The following BTD variants were observed in gnomAD, a reference collection of about 807,000 sequenced individuals.
BTD encodes the protein biocytinase.
In BTD, 13 loss-of-function variants were observed where a neutral mutation model predicts 17.7. The ratio of observed to expected loss-of-function variants is 0.74; its 90% confidence interval spans 0.48 to 1.17. The LOEUF (loss-of-function observed/expected upper bound fraction) is 1.17. BTD is among the 50% of genes most tolerant of loss of function. The pLI is 0.00. For missense variants in BTD, 674 were observed against 650.4 expected (o/e 1.04, Z -0.39); for synonymous variants, 240 against 245.2 (o/e 0.98, Z 0.20).
chr3:15,689,891 CAT>C, intron 3 of BTD: 1 of 764,386 alleles, frequency 1.3e-6, no homozygotes, highest in Non-Finnish European at 2.0e-6. Flanking sequence ...TCAAATAATC[CAT>C]ATATGATTTG....
At chr3:15,716,092 C>G (rs562421130), downstream of BTD, among the ~76,000 whole-genome samples, 1 of 151,310 alleles carries the variant, frequency 6.6e-6, no homozygotes, top group African/African-American at 2.4e-5. Context: ...AAGTGATTCT[C>G]CTGCCTCAGC....
intron 3 of BTD, among the ~76,000 whole-genome samples, chr3:15,643,654 C>G (rs1386230184): frequency 6.6e-6 from 1 of 152,134 alleles, no homozygotes; most frequent in Non-Finnish European, 1.5e-5. Context: ...CTTTGTCCTT[C>G]TGTGAATCAC....
chr3:15,690,547 G>C (rs2068652077), intron 3 of BTD, among the ~76,000 whole-genome samples: 1 of 152,122 alleles, frequency 6.6e-6, no homozygotes, highest in Non-Finnish European at 1.5e-5. Context: ...TTTCAAGTCT[G>C]ATTCTAAAAA....
chr3:15,668,008 T>C (rs947339199), intron 3 of BTD: 18 of 152,198 alleles, frequency 1.2e-4, no homozygotes, highest in African/African-American at 4.1e-4. Flanking sequence ...TGTGCGAGAT[T>C]CATCCTTCCA....
Position 15,691,683 on chromosome 3 carries a change from C to T in BTD, c.400-18377C>T, listed in dbSNP as rs545849642. Among the ~76,000 whole-genome samples, 7 of 152,304 alleles carry T rather than the reference C, an allele frequency of 4.6e-5. No individual in the cohort carries two copies. In the South Asian group the frequency reaches 1.4e-3, roughly 32 times the overall value. On this transcript the variant is annotated intron_variant, in intron 3 of 3. Transcript: ENST00000672141. Reference sequence around the variant, plus strand: ...TAGAAACTTGACTACTTAAGCTTGACTATCTCAAAGATTAAAGTGACTGTA... The same window carrying T: ...TAGAAACTTGACTACTTAAGCTTGATTATCTCAAAGATTAAAGTGACTGTA...
At chr3:15,605,025 T>G (rs1157434153) in intron 1 of BTD, among the ~76,000 whole-genome samples, 1 of 152,230 alleles carries the variant, frequency 6.6e-6, no homozygotes. Flanking sequence ...CCCTCCAAAC[T>G]GTTCCAACTT....
chr3:15,607,875 A>G (rs1383295310), intron 1 of BTD, among the ~76,000 whole-genome samples: 1 of 152,262 alleles, frequency 6.6e-6, no homozygotes, highest in Non-Finnish European at 1.5e-5. Context: ...ATATGTCAAC[A>G]TAGGAAGTAA....
At chr3:15,636,378 G>C (rs534858050) in intron 2 of BTD, among the ~76,000 whole-genome samples, 10 of 152,218 alleles carry the variant, frequency 6.6e-5, no homozygotes, top group Non-Finnish European at 1.3e-4. Context: ...CTTTGTGAAG[G>C]CTTCCTGGTT....
intron 3 of BTD, chr3:15,689,964 G>A (rs1480125421): frequency 5.7e-6 from 8 of 1,399,698 alleles, no homozygotes; most frequent in Non-Finnish European, 6.7e-6. Flanking sequence ...ATCAGAAATT[G>A]AAAAAAAGTA....
In BTD at chr3:15,648,048, AC is replaced by A. The variant is rs1230882480; in HGVS notation, c.*2566del. On this transcript the variant is annotated 3_prime_UTR_variant, in exon 4 of 4. Transcript: ENST00000643237. ...GGCCCTGCTTGGTACCTGTGCCCCCACCCCCCAGCCATGGTATATTGAACCA... is the reference window on the plus strand; with the variant it reads ...GGCCCTGCTTGGTACCTGTGCCCCCACCCCCAGCCATGGTATATTGAACCA... Among the ~76,000 whole-genome samples, 1 of 150,804 alleles carries A rather than the reference AC, an allele frequency of 6.6e-6. No homozygotes were observed. The highest frequency in any genetic ancestry group is 1.5e-5 in the Non-Finnish European group (1 of 67,730).
chr3:15,663,712 T>G (rs2065949086), intron 3 of BTD, among the ~76,000 whole-genome samples: 1 of 152,198 alleles, frequency 6.6e-6, no homozygotes. Context: ...TTTTCCCCCT[T>G]TAGCTTGGCT....
chr3:15,699,740 T>C (rs1474422511), intron 3 of BTD, among the ~76,000 whole-genome samples: 1 of 152,202 alleles, frequency 6.6e-6, no homozygotes, highest in African/African-American at 2.4e-5. Flanking sequence ...AAACAACAGA[T>C]GCTGGAGAGG....
intron 3 of BTD, among the ~76,000 whole-genome samples, chr3:15,696,503 T>G (rs758659099): frequency 6.6e-6 from 1 of 152,098 alleles, no homozygotes; most frequent in Non-Finnish European, 1.5e-5. Flanking sequence ...TTTTTTCATA[T>G]GTGAAGGCTA....
intron 4 of BTD, among the ~76,000 whole-genome samples, chr3:15,718,654 C>T (rs2073356176): frequency 6.6e-6 from 1 of 151,784 alleles, no homozygotes; most frequent in African/African-American, 2.4e-5. Context: ...AGCCCAATCT[C>T]TACCTTTTAA....
chr3:15,645,517 C>T lies in BTD; in HGVS notation c.*29C>T, dbSNP rs1344267775. ...AAGTGTGTGGTCTGTGGGGCGGACT[C>T]TGGCCATCATGTTGACAGCCTTGCA... On this transcript the variant is annotated 3_prime_UTR_variant, in exon 4 of 4. Transcript: ENST00000643237. The T allele has an allele frequency of 1.9e-6, 3 of 1,598,560 alleles. No individual in the cohort carries two copies. In the East Asian group the frequency reaches 6.7e-5, roughly 36 times the overall value.
chr3:15,657,500 TG>T (rs1214408972), downstream of BTD, among the ~76,000 whole-genome samples: 1 of 108,022 alleles, frequency 9.3e-6, no homozygotes, highest in Non-Finnish European at 2.3e-5. Context: ...CCCCCAGAGC[TG>T]TATGTGAGCT....
chr3:15,675,926 T>G, intron 3 of BTD: 1 of 1,613,058 alleles, frequency 6.2e-7, no homozygotes, highest in Non-Finnish European at 8.5e-7. Flanking sequence ...GCACACTTGC[T>G]CCTTTTCCCA....
intron 1 of BTD, among the ~76,000 whole-genome samples, chr3:15,603,128 C>A (rs545236892): frequency 1.4e-4 from 22 of 152,298 alleles, no homozygotes; most frequent in African/African-American, 5.3e-4. Context: ...TCCCTCTCAC[C>A]ACATGTGGGG....
At position 15,635,369 on chromosome 3, in the gene BTD, A is replaced by T; in HGVS notation, c.-16-55A>T. Reference sequence around the variant, plus strand: ...AATAAATCACAGCTGCAAACGTTAAATTCTTGGCAGGATTCTTTATTCAGC... The same window carrying T: ...AATAAATCACAGCTGCAAACGTTAATTTCTTGGCAGGATTCTTTATTCAGC... On this transcript the variant is annotated intron_variant, in intron 1 of 3. Coordinates refer to ENST00000643237, the MANE Select transcript of BTD (RefSeq NM_001370658.1). The surrounding 1 kb of genome is among the most constrained non-coding windows in gnomAD (Gnocchi z 4.1). 6.2e-7 allele frequency: 1 copy of T among 1,612,782 alleles called. No homozygotes were observed. The highest frequency in any genetic ancestry group is 1.3e-5 in the African/African-American group (1 of 75,036).
Sources: allele counts gnomAD v4.1 joint callset (sites outside exome capture counted in the v4.1 genomes callset), GRCh38; gene constraint gnomAD v4.1.1; non-coding constraint Gnocchi (gnomAD v3.1); transcripts MANE v1.5; gene names NCBI Gene and HGNC (gene_info 2026-07-23, HGNC 2026-07-21).